Variants in DCLK2 observed in about 807,000 individuals in gnomAD.
The protein encoded by DCLK2 is serine/threonine-protein kinase DCLK2.
DCLK2 carries 31 observed loss-of-function variants against 78.4 expected under a neutral mutation model. That is an observed-to-expected ratio of 0.40 (90% CI 0.30 to 0.53). The LOEUF (loss-of-function observed/expected upper bound fraction) is 0.53. Ranked by LOEUF, DCLK2 falls within the 20% of genes least tolerant of loss-of-function variation. The probability of loss-of-function intolerance (pLI) is 0.61; values close to 1 mark genes in which losing one functional copy is unlikely to be tolerated. For missense variants in DCLK2, 872 were observed against 973.7 expected, an observed-to-expected ratio of 0.90 and a Z score of 1.39; for synonymous variants, 407 against 374.9, an observed-to-expected ratio of 1.09 and a Z score of -0.99.
In DCLK2 at chr4:150,102,751, C is replaced by T; in HGVS notation, c.695C>T (p.Thr232Ile). The change falls in exon 2 of 16, where the codon ACC becomes ATC. Residue 232 changes from threonine to isoleucine, a missense_variant. This residue lies in a region of DCLK2 where 567 missense variants were observed against 593.4 expected (regional missense o/e 0.96). Coordinates refer to ENST00000296550, the MANE Select transcript of DCLK2 (RefSeq NM_001040260.4). The stretch of plus-strand genomic sequence containing the variant: ...TTTGAACAAGTCTTAACAGATATCA[C>T]CGAAGCCATTAAACTAGACTCAGGA... ...HSFEQVLTDI[T>I]EAIKLDSGVV... The T allele has an allele frequency of 6.2e-7, 1 of 1,614,094 alleles. No homozygotes were observed. The highest frequency in any genetic ancestry group is 8.5e-7 in the Non-Finnish European group (1 of 1,180,002).
At chr4:150,103,099 A>G (rs1731001190) in intron 2 of DCLK2, among the ~76,000 whole-genome samples, 1 of 128,610 alleles carries the variant, frequency 7.8e-6, no homozygotes, top group South Asian at 2.3e-4. Flanking sequence ...AGGGAAAAGT[A>G]TAAGTTGAGG....
rs1491141894 is a variant in DCLK2 at position 150,175,117 on chromosome 4, T to TATTTGTATATATTTATATATTTATATA, written c.757-18021_757-18020insATTTGTATATATTTATATATTTATATA. ...ATTTATATATATTTATATATTTATA[T>TATTTGTATATATTTATATATTTATATA]TTTTTATATATATATAATTTATGTA... On this transcript the variant is annotated intron_variant, in intron 2 of 15. Transcript: ENST00000296550. Among the ~76,000 whole-genome samples, 2 of 69,362 alleles carry TATTTGTATATATTTATATATTTATATA rather than the reference T, an allele frequency of 2.9e-5. 1 individual carries two copies. The highest frequency in any genetic ancestry group is 5.4e-5 in the Non-Finnish European group (2 of 37,126). 45.5% of individuals were successfully genotyped at this position (69,362 alleles called of 152,430 possible). A position where few individuals can be genotyped will look rare whatever the true frequency, so the allele number is the denominator to read the frequency against.
At position 150,136,174 on chromosome 4, in the gene DCLK2, A is replaced by G. The variant is rs548732335; in HGVS notation, c.756+33362A>G. ...AATGTAAGTAAGAGACTGAAATTCC[A>G]GAGGTTGATGTATGGGTGTCATAAG... On this transcript the variant is annotated intron_variant, in intron 2 of 15. Coordinates refer to ENST00000296550, the MANE Select transcript of DCLK2 (RefSeq NM_001040260.4). Among the ~76,000 whole-genome samples the G allele has an allele frequency of 2.0e-5, 3 of 152,346 alleles. No individual in the cohort carries two copies. The East Asian group carries it at 5.8e-4, about 29-fold the overall frequency.
intron 4 of DCLK2, among the ~76,000 whole-genome samples, 184 bp from the exon 5 acceptor site, chr4:150,203,611 T>TC (rs1241610318): frequency 6.6e-6 from 1 of 152,010 alleles, no homozygotes; most frequent in East Asian, 1.9e-4. Flanking sequence ...TGTTTTTTTT[T>TC]TTTTTGTCTG....
At chr4:150,130,980 A>T (rs185775165) in intron 2 of DCLK2, among the ~76,000 whole-genome samples, 14 of 152,292 alleles carry the variant, frequency 9.2e-5, no homozygotes, top group Admixed American at 8.5e-4. Context: ...TGTTGAACAA[A>T]TGGAAATATC....
chr4:150,210,449 C>T (rs946781893), intron 5 of DCLK2, among the ~76,000 whole-genome samples: 1 of 152,304 alleles, frequency 6.6e-6, no homozygotes, highest in Middle Eastern at 3.4e-3. Context: ...TCTCCCTTCA[C>T]CTCTGCTTTC....
At chr4:150,241,559 A>G (rs1324094422) in intron 12 of DCLK2, among the ~76,000 whole-genome samples, 2 of 152,232 alleles carry the variant, frequency 1.3e-5, no homozygotes, top group African/African-American at 4.8e-5. Context: ...TGTGCCAGGC[A>G]TGATTTTAAG....
chr4:150,211,389 C>T (rs1223474157), intron 5 of DCLK2, among the ~76,000 whole-genome samples: 1 of 152,090 alleles, frequency 6.6e-6, no homozygotes, highest in East Asian at 1.9e-4. Context: ...CAGACCCCAT[C>T]TCTTCCATAA....
At chr4:150,088,892 T>G (rs1050175609) in intron 1 of DCLK2, among the ~76,000 whole-genome samples, 1 of 151,900 alleles carries the variant, frequency 6.6e-6, no homozygotes, top group Non-Finnish European at 1.5e-5. Flanking sequence ...TCACAAGGAG[T>G]AATAAAATGG....
chr4:150,194,730 A>G (rs57453981), intron 3 of DCLK2, among the ~76,000 whole-genome samples: 7 of 152,276 alleles, frequency 4.6e-5, no homozygotes, highest in African/African-American at 1.7e-4. Context: ...ATGAATGAGG[A>G]AAGCTGGCTT....
At chr4:150,129,999 AT>A (rs1206512108) in intron 2 of DCLK2, among the ~76,000 whole-genome samples, 1 of 152,124 alleles carries the variant, frequency 6.6e-6, no homozygotes, top group Admixed American at 6.5e-5. Context: ...TTAATGGCTT[AT>A]TTGAGCTATA....
intron 2 of DCLK2, among the ~76,000 whole-genome samples, chr4:150,111,827 A>G (rs772265413): frequency 4.6e-5 from 7 of 151,958 alleles, no homozygotes; most frequent in South Asian, 2.1e-4. Context: ...GTGTTGATCT[A>G]TGTTTGATTA....
intron 2 of DCLK2, among the ~76,000 whole-genome samples, chr4:150,182,039 T>G (rs2150283292): frequency 6.6e-6 from 1 of 152,222 alleles, no homozygotes; most frequent in East Asian, 1.9e-4. Context: ...CTGTTCATTT[T>G]TTTTTTTAAT....
At chr4:150,114,974 A>T (rs1283474230) in intron 2 of DCLK2, among the ~76,000 whole-genome samples, 1 of 152,196 alleles carries the variant, frequency 6.6e-6, no homozygotes. Flanking sequence ...TATTCTTTCA[A>T]ATAAGTTTTC....
rs964968902 is a variant in DCLK2, at chr4:150,114,046, A to G, written c.756+11234A>G. On this transcript the variant is annotated intron_variant, in intron 2 of 15. Transcript: ENST00000296550. ...GATTGTTTAATTTCTGTGTATTTGT[A>G]TAGTTTTGAGGGTTCTTTTTGTAGT... Among the ~76,000 whole-genome samples, 3 of 152,088 alleles carry G rather than the reference A, an allele frequency of 2.0e-5. No individual in the cohort carries two copies. In the South Asian group the frequency reaches 6.2e-4, roughly 32 times the overall value.
At chr4:150,156,913 G>A (rs961088668) in intron 2 of DCLK2, among the ~76,000 whole-genome samples, 1 of 151,510 alleles carries the variant, frequency 6.6e-6, no homozygotes, top group Non-Finnish European at 1.5e-5. Flanking sequence ...TGAGGCCACC[G>A]ATGTGCGCCA....
At chr4:150,231,166 A>C (rs1433992912) in intron 8 of DCLK2, among the ~76,000 whole-genome samples, 1 of 152,260 alleles carries the variant, frequency 6.6e-6, no homozygotes, top group Non-Finnish European at 1.5e-5. Flanking sequence ...CCTAGTTTAC[A>C]TTCAACCTCC....
chr4:150,193,697 A>G (rs886461059), intron 3 of DCLK2, among the ~76,000 whole-genome samples: 13 of 152,170 alleles, frequency 8.5e-5, no homozygotes, highest in African/African-American at 1.9e-4. Flanking sequence ...ATAACTATCA[A>G]TGGTGATTAT....
intron 2 of DCLK2, among the ~76,000 whole-genome samples, chr4:150,118,746 C>T (rs1436726203): frequency 6.6e-6 from 1 of 152,110 alleles, no homozygotes. Flanking sequence ...TGCCTGTAAT[C>T]CTAGCACTTT....
Sources: allele counts gnomAD v4.1 joint callset (sites outside exome capture counted in the v4.1 genomes callset), GRCh38; gene constraint gnomAD v4.1.1; regional missense constraint gnomAD v4.1.1; transcripts MANE v1.5; gene names NCBI Gene and HGNC (gene_info 2026-07-23, HGNC 2026-07-21).